The following FANCL variants were observed in gnomAD, a reference collection of about 807,000 sequenced individuals.
FANCL encodes the protein FA complementation group L.
In FANCL, 69 loss-of-function variants were observed where a neutral mutation model predicts 59.4. That is an observed-to-expected ratio of 1.16 (90% CI 0.96 to 1.42). The LOEUF (loss-of-function observed/expected upper bound fraction) is 1.42. Among genes scored for constraint, FANCL ranks in the 40% most tolerant of loss-of-function variants. The pLI is 0.00. For synonymous variants in FANCL, 180 were observed against 147.1 expected (o/e 1.22, Z -1.62); for missense variants, 519 against 447.2 (o/e 1.16, Z -1.45).
At chr2:58,162,097 T>C (rs1275140091) in intron 11 of FANCL, among the ~76,000 whole-genome samples, 1 of 151,914 alleles carries the variant, frequency 6.6e-6, no homozygotes, top group African/African-American at 2.4e-5. Flanking sequence ...ATAATGTCCC[T>C]GATAGTATTT....
intron 7 of FANCL, among the ~76,000 whole-genome samples, chr2:58,172,835 C>A (rs1248255066): frequency 1.3e-5 from 2 of 152,152 alleles, no homozygotes; most frequent in East Asian, 3.9e-4. Context: ...CATCAAACTA[C>A]TATGAGCTAC....
chr2:58,171,923 G>T (rs958373337), intron 7 of FANCL, among the ~76,000 whole-genome samples: 2 of 152,208 alleles, frequency 1.3e-5, no homozygotes, highest in African/African-American at 4.8e-5. Flanking sequence ...CTTTTCCGAC[G>T]GGTTTAAAAA....
chr2:58,176,966 C>T (rs1251809911), intron 7 of FANCL, among the ~76,000 whole-genome samples: 5 of 152,120 alleles, frequency 3.3e-5, no homozygotes, highest in African/African-American at 7.2e-5. Flanking sequence ...AAAAAGTGGG[C>T]AAAGGACATG....
intron 9 of FANCL, 146 bp from the exon 10 acceptor site, chr2:58,163,220 G>T: frequency 2.6e-6 from 2 of 774,686 alleles, no homozygotes; most frequent in Non-Finnish European, 2.1e-6. Context: ...ATACAGTTCA[G>T]AATGCTGAGA....
At chr2:58,188,435 T>G (rs1002117638) in intron 7 of FANCL, among the ~76,000 whole-genome samples, 7 of 151,940 alleles carry the variant, frequency 4.6e-5, no homozygotes, top group African/African-American at 1.7e-4. Flanking sequence ...TTTCGGGGTT[T>G]TTTTGTTTTT....
At chr2:58,208,004 A>C (rs189050230) in intron 5 of FANCL, among the ~76,000 whole-genome samples, 10 of 152,332 alleles carry the variant, frequency 6.6e-5, no homozygotes, top group Non-Finnish European at 4.4e-5. Flanking sequence ...GGTTGCAGTG[A>C]GCTATGATGG....
At chr2:58,227,936 A>C (rs534842698) in intron 3 of FANCL, among the ~76,000 whole-genome samples, 2 of 152,218 alleles carry the variant, frequency 1.3e-5, no homozygotes, top group Non-Finnish European at 2.9e-5. Flanking sequence ...GAAGAGAAAA[A>C]AAAAGAGAAA....
chr2:58,165,639 TGAGTCC>T (rs1685845660), intron 8 of FANCL, 79 bp downstream of exon 8: 1 of 1,544,606 alleles, frequency 6.5e-7, no homozygotes, highest in Non-Finnish European at 8.9e-7. Context: ...TAAAGAAGTC[TGAGTCC>T]AACTGTCATT....
chr2:58,190,615 C>T (rs989397281), intron 7 of FANCL, among the ~76,000 whole-genome samples: 4 of 151,788 alleles, frequency 2.6e-5, no homozygotes, highest in South Asian at 4.1e-4. Flanking sequence ...TCTAATTTTT[C>T]ATCACTCTAA....
intron 1 of FANCL, among the ~76,000 whole-genome samples, chr2:58,240,695 T>C (rs1694443244): frequency 6.6e-6 from 1 of 152,212 alleles, no homozygotes; most frequent in East Asian, 1.9e-4. Flanking sequence ...TTAATTCCAT[T>C]GCTGTCATGC....
intron 2 of FANCL, among the ~76,000 whole-genome samples, chr2:58,230,470 A>G (rs1166092316): frequency 6.6e-6 from 1 of 152,078 alleles, no homozygotes; most frequent in African/African-American, 2.4e-5. Context: ...GCCTGGCTAG[A>G]AAGATACATA....
intron 2 of FANCL, 36 bp from the exon 3 acceptor site, chr2:58,229,910 G>T: frequency 6.8e-7 from 1 of 1,475,400 alleles, no homozygotes; most frequent in Non-Finnish European, 9.5e-7. Context: ...TTTATTCATT[G>T]TTCAGAATTA....
At chr2:58,181,108 C>T (rs7558066) in intron 7 of FANCL, among the ~76,000 whole-genome samples, 23,629 of 151,988 alleles carry the variant, frequency 0.16, 2,362 homozygotes, top group African/African-American at 0.29. Flanking sequence ...GGAATGCTCA[C>T]AGCAGCTACA....
chr2:58,170,968 G>A (rs1007989943), intron 7 of FANCL, among the ~76,000 whole-genome samples: 9 of 152,054 alleles, frequency 5.9e-5, no homozygotes, highest in African/African-American at 1.9e-4. Flanking sequence ...ACAGATCAAC[G>A]AGACACAAAA....
At chr2:58,240,443 A>G (rs1694418015) in intron 1 of FANCL, among the ~76,000 whole-genome samples, 2 of 152,202 alleles carry the variant, frequency 1.3e-5, no homozygotes, top group African/African-American at 4.8e-5. Flanking sequence ...CTGAAATCAC[A>G]CAGCCTGCGT....
intron 11 of FANCL, 140 bp downstream of exon 11, chr2:58,162,726 G>C: frequency 1.3e-6 from 1 of 759,318 alleles, no homozygotes; most frequent in Admixed American, 2.4e-5. Flanking sequence ...AGGTAAACAA[G>C]TTTTTTGATG....
At chr2:58,233,610 A>T (rs528945207) in intron 1 of FANCL, among the ~76,000 whole-genome samples, 1 of 152,198 alleles carries the variant, frequency 6.6e-6, no homozygotes, top group Admixed American at 6.5e-5. Context: ...AATTACCTAC[A>T]GGAAGAAAAA....
chr2:58,229,162 T>C (rs1015194201), intron 3 of FANCL, among the ~76,000 whole-genome samples: 2 of 152,014 alleles, frequency 1.3e-5, no homozygotes, highest in Non-Finnish European at 2.9e-5. Context: ...GACACAGAAA[T>C]ATAGAAAATC....
intron 5 of FANCL, among the ~76,000 whole-genome samples, chr2:58,214,950 C>G (rs1040161082): frequency 6.6e-6 from 1 of 152,166 alleles, no homozygotes. Context: ...ACTGATTTTT[C>G]TTATTGCACT....
Sources: gnomAD v4.1 joint callset for allele counts (sites outside exome capture counted in the v4.1 genomes callset) on GRCh38, gnomAD v4.1.1 for gene constraint, MANE v1.5 for transcripts, NCBI Gene and HGNC (gene_info 2026-07-23, HGNC 2026-07-21) for gene names.